The following NOTCH2NLB variants were observed in gnomAD, a reference collection of about 807,000 sequenced individuals.
The protein encoded by NOTCH2NLB is notch homolog 2 N-terminal-like protein B.
In NOTCH2NLB, 1 loss-of-function variant was observed where a neutral mutation model predicts 14.8. The observed-to-expected ratio is 0.07, with a 90% confidence interval of 0.02 to 0.32. The LOEUF (loss-of-function observed/expected upper bound fraction) is 0.32, where lower values mean the gene tolerates loss of function less well. Among genes scored for constraint, NOTCH2NLB ranks in the 10% least tolerant of loss-of-function variants. The probability of loss-of-function intolerance (pLI) is 1.00; values close to 1 mark genes in which losing one functional copy is unlikely to be tolerated. For missense variants in NOTCH2NLB, 11 were observed against 155.0 expected (o/e 0.07, Z 4.93); for synonymous variants, 6 against 57.5 (o/e 0.10, Z 4.05).
chr1:148,605,288 T>C (rs1663477623), downstream of NOTCH2NLB, among the ~76,000 whole-genome samples: 1 of 137,998 alleles, frequency 7.2e-6, no homozygotes, highest in Non-Finnish European at 1.6e-5. Flanking sequence ...GTGGGAAGAC[T>C]TGAAAAATAA....
chr1:148,702,146 CTCT>C, the NOTCH2NLB span, among the ~76,000 whole-genome samples: 1 of 117,298 alleles, frequency 8.5e-6, no homozygotes, highest in Non-Finnish European at 1.8e-5. Context: ...ACCTTCAAAA[CTCT>C]TCTTTCTTTA....
chr1:148,646,040 TC>T (rs1440812592), intron 1 of NOTCH2NLB, among the ~76,000 whole-genome samples: 1 of 139,818 alleles, frequency 7.2e-6, no homozygotes, highest in Non-Finnish European at 1.6e-5. Context: ...TGAAACATAA[TC>T]CCCAATGTTG....
chr1:148,627,647 T>C lies in NOTCH2NLB; in HGVS notation c.78-11697A>G, dbSNP rs1212974476. Among the ~76,000 whole-genome samples the C allele has an allele frequency of 4.6e-5, 7 of 151,894 alleles. No homozygotes were observed. The South Asian group carries it at 1.5e-3, about 32-fold the overall frequency. ...TCAGCCCAAAATGCTTTTCCCCACCTTCTCATGGCTAAGCCCTAAAATTTC... is the reference window on the plus strand; with the variant it reads ...TCAGCCCAAAATGCTTTTCCCCACCCTCTCATGGCTAAGCCCTAAAATTTC... On this transcript the variant is annotated intron_variant, in intron 2 of 4. Transcript: ENST00000593495.
At chr1:148,703,331 G>A in the NOTCH2NLB span, among the ~76,000 whole-genome samples, 1 of 127,688 alleles carries the variant, frequency 7.8e-6, no homozygotes, top group Admixed American at 8.6e-5. Flanking sequence ...TATAGGTGCT[G>A]TAGGAGAAAT....
intron 2 of NOTCH2NLB, among the ~76,000 whole-genome samples, chr1:148,638,540 AGAG>A (rs1442360113): frequency 6.7e-6 from 1 of 149,028 alleles, no homozygotes; most frequent in East Asian, 1.9e-4. Flanking sequence ...CTCCATTCTT[AGAG>A]GAGAATGCAC....
chr1:148,637,063 T>C (rs1664216788), intron 2 of NOTCH2NLB, among the ~76,000 whole-genome samples: 2 of 80,402 alleles, frequency 2.5e-5, no homozygotes, highest in Admixed American at 2.4e-4. Flanking sequence ...GGCAGCTCCA[T>C]TTTCTTTTTT....
chr1:148,679,693 G>A, exon 1 of NOTCH2NLB: 1 of 1,025,248 alleles, frequency 9.8e-7, no homozygotes, highest in Non-Finnish European at 1.2e-6. Flanking sequence ...TCGACTCCCC[G>A]CGCCCGGAGT....
intron 3 of NOTCH2NLB, among the ~76,000 whole-genome samples, chr1:148,610,320 A>C (rs1186532123): frequency 1.5e-5 from 1 of 67,666 alleles, no homozygotes; most frequent in African/African-American, 6.8e-5. Context: ...AGAGAGAAAG[A>C]GAGAGAAAGA....
intron 3 of NOTCH2NLB, among the ~76,000 whole-genome samples, chr1:148,608,213 C>T (rs1462670191): frequency 1.5e-5 from 2 of 135,938 alleles, no homozygotes; most frequent in African/African-American, 3.4e-5. Flanking sequence ...ATGGTGAAAC[C>T]CTGTCTCTAC....
chr1:148,674,859 C>CA (rs1278629441), intron 1 of NOTCH2NLB, among the ~76,000 whole-genome samples: 152 of 133,572 alleles, frequency 1.1e-3, no homozygotes, highest in Admixed American at 1.7e-3. Context: ...TCTCTTGGTT[C>CA]AAAAAAAAAA....
intron 1 of NOTCH2NLB, among the ~76,000 whole-genome samples, chr1:148,645,880 G>A (rs1664360538): frequency 6.6e-6 from 1 of 150,594 alleles, no homozygotes; most frequent in Non-Finnish European, 1.5e-5. Context: ...TCTTTTCTGA[G>A]TATTTGAAGC....
chr1:148,638,465 TA>T (rs1330216915), intron 2 of NOTCH2NLB, among the ~76,000 whole-genome samples: 6 of 148,874 alleles, frequency 4.0e-5, no homozygotes, highest in Non-Finnish European at 8.9e-5. Flanking sequence ...ACAAAAAGAC[TA>T]AACAAGATTT....
At chr1:148,708,071 C>CTA in the NOTCH2NLB span, among the ~76,000 whole-genome samples, 457 of 63,470 alleles carry the variant, frequency 7.2e-3, 123 homozygotes, top group South Asian at 0.012. Context: ...CAAGAGGCAA[C>CTA]TATATATATA....
At chr1:148,625,326 GCT>G (rs1309595787) in intron 2 of NOTCH2NLB, among the ~76,000 whole-genome samples, 3 of 71,438 alleles carry the variant, frequency 4.2e-5, no homozygotes, top group Admixed American at 1.3e-4. Context: ...CTTTGCTGCA[GCT>G]CTGTCTTTAG....
chr1:148,694,244 CTG>C, the NOTCH2NLB span, among the ~76,000 whole-genome samples: 1 of 151,260 alleles, frequency 6.6e-6, no homozygotes, highest in Non-Finnish European at 1.5e-5. Flanking sequence ...TAAGTGGACA[CTG>C]TGGCTCATTC....
rs1244676926 is a variant in NOTCH2NLB, at chr1:148,637,067, C to CTT, written c.77+2947_77+2948dup. Among the ~76,000 whole-genome samples the CTT allele has an allele frequency of 2.7e-3, 215 of 79,548 alleles. 7 individuals are homozygous for CTT. The highest frequency in any genetic ancestry group is 3.3e-3 in the Non-Finnish European group (146 of 43,954). 52.2% of individuals were successfully genotyped at this position (79,548 alleles called of 152,430 possible). ...GACAGAATTTAGGCAGCTCCATTTT[C>CTT]TTTTTTTTTTTTTTTTTTGGAGACA... On this transcript the variant is annotated intron_variant, in intron 2 of 4. Coordinates refer to ENST00000593495, the Ensembl canonical transcript of NOTCH2NLB.
At position 148,632,871 on chromosome 1, in the gene NOTCH2NLB, T is replaced by A. The variant is rs1415418117; in HGVS notation, c.77+7145A>T. The stretch of plus-strand genomic sequence containing the variant: ...CTGAAGCACACTTTAATAGACAATA[T>A]CCTCTATCCCCACCTTCACTGCCCT... On this transcript the variant is annotated intron_variant, in intron 2 of 4. Transcript: ENST00000593495. Among the ~76,000 whole-genome samples the A allele has an allele frequency of 3.5e-4, 40 of 113,386 alleles. 8 individuals carry two copies. The highest frequency in any genetic ancestry group is 6.1e-4 in the Non-Finnish European group (36 of 59,000). The allele number at this position is 113,386 out of a possible 152,430, so 74.4% of individuals were successfully genotyped here.
At chr1:148,654,728 G>A (rs1189864906) in intron 1 of NOTCH2NLB, among the ~76,000 whole-genome samples, 2 of 96,158 alleles carry the variant, frequency 2.1e-5, no homozygotes, top group Admixed American at 9.9e-5. Flanking sequence ...TATAGCAAAC[G>A]TGGATCTTGA....
chr1:148,610,464 T>C (rs1663668341), intron 3 of NOTCH2NLB, among the ~76,000 whole-genome samples: 1 of 123,068 alleles, frequency 8.1e-6, no homozygotes, highest in African/African-American at 3.5e-5. Flanking sequence ...ACTAACTTGC[T>C]GCCTATGCTT....
Sources: gnomAD v4.1 joint callset for allele counts (sites outside exome capture counted in the v4.1 genomes callset) on GRCh38, gnomAD v4.1.1 for gene constraint, MANE v1.5 for transcripts, NCBI Gene and HGNC (gene_info 2026-07-23, HGNC 2026-07-21) for gene names.